Variants in MRPS28 observed in about 807,000 individuals in gnomAD.
MRPS28 encodes small ribosomal subunit protein bS1m.
In MRPS28, 7 loss-of-function variants were observed where a neutral mutation model predicts 10.8. The observed-to-expected ratio is 0.65, with a 90% CI of 0.37 to 1.22. The LOEUF is 1.22. Among genes scored for constraint, MRPS28 ranks in the 50% most tolerant of loss-of-function variants. The probability of loss-of-function intolerance (pLI) is 0.02; values close to 1 mark genes in which losing one functional copy is unlikely to be tolerated. For missense variants in MRPS28, 265 were observed against 232.9 expected (o/e 1.14, Z -0.90); for synonymous variants, 121 against 93.3 (o/e 1.30, Z -1.71).
rs141540416 is a variant in MRPS28, at chr8:79,988,365, A to G, written c.395+14634T>C. On this transcript the variant is annotated intron_variant, in intron 2 of 2. Transcript: ENST00000276585. ...TGCAGCACACCAGCATGGCACGTGTATATGTATGTAACTAACCTGCACATT... is the reference window on the plus strand; with the variant it reads ...TGCAGCACACCAGCATGGCACGTGTGTATGTATGTAACTAACCTGCACATT... 5.9e-3 allele frequency among the ~76,000 whole-genome samples: 895 copies of G among 152,026 alleles called. 7 individuals carry two copies. The highest frequency in any genetic ancestry group is 0.021 in the African/African-American group (857 of 41,472).
chr8:79,930,540 C>A (rs1806435011), intron 2 of MRPS28, among the ~76,000 whole-genome samples: 1 of 152,200 alleles, frequency 6.6e-6, no homozygotes, highest in African/African-American at 2.4e-5. Flanking sequence ...CTGCATTCCA[C>A]CACCTGCCAT....
intron 1 of MRPS28, among the ~76,000 whole-genome samples, chr8:80,023,034 C>T (rs560734555): frequency 1.3e-5 from 2 of 152,292 alleles, no homozygotes; most frequent in Admixed American, 1.3e-4. Context: ...CAAAAACCTA[C>T]TTTCCCCAGA....
At chr8:79,973,617 T>C (rs1188935038) in intron 2 of MRPS28, among the ~76,000 whole-genome samples, 15 of 152,090 alleles carry the variant, frequency 9.9e-5, no homozygotes. Flanking sequence ...CACGCCCAGC[T>C]AGGGTGTGCC....
At chr8:79,945,964 TAAAG>T (rs1806904508) in intron 2 of MRPS28, among the ~76,000 whole-genome samples, 1 of 152,102 alleles carries the variant, frequency 6.6e-6, no homozygotes, top group South Asian at 2.1e-4. Context: ...GTACATACTG[TAAAG>T]AAAGAGATTA....
intron 2 of MRPS28, among the ~76,000 whole-genome samples, chr8:79,989,966 C>T (rs575469633): frequency 5.3e-5 from 8 of 152,200 alleles, no homozygotes; most frequent in African/African-American, 1.9e-4. Context: ...CTAGCCTGGG[C>T]AACATGGTAA....
intron 2 of MRPS28, among the ~76,000 whole-genome samples, chr8:79,922,537 C>T (rs1178360304): frequency 6.6e-6 from 1 of 152,004 alleles, no homozygotes; most frequent in Non-Finnish European, 1.5e-5. Flanking sequence ...ATTTGGCTAT[C>T]CCACAATGTA....
intron 2 of MRPS28, among the ~76,000 whole-genome samples, chr8:79,983,720 G>C (rs1808053529): frequency 6.6e-6 from 1 of 152,126 alleles, no homozygotes; most frequent in Non-Finnish European, 1.5e-5. Flanking sequence ...GGGAAGTTTA[G>C]AGAAAAAAGA....
intron 2 of MRPS28, among the ~76,000 whole-genome samples, chr8:79,962,453 A>G (rs866685729): frequency 2.0e-5 from 3 of 152,180 alleles, no homozygotes; most frequent in Non-Finnish European, 4.4e-5. Context: ...CCATCCACTT[A>G]GAAAGATAAC....
At chr8:79,978,774 A>G (rs761492165) in intron 2 of MRPS28, among the ~76,000 whole-genome samples, 1 of 152,250 alleles carries the variant, frequency 6.6e-6, no homozygotes, top group African/African-American at 2.4e-5. Context: ...TATTTTCCAG[A>G]AAATGAAATC....
At chr8:80,029,873 T>C in intron 1 of MRPS28, 163 bp downstream of exon 1, 2 of 1,535,880 alleles carry the variant, frequency 1.3e-6, no homozygotes, top group Non-Finnish European at 1.7e-6. Flanking sequence ...CAAGCACAGA[T>C]TCTAGGGGCC....
At chr8:79,977,391 A>G (rs1021087321) in intron 2 of MRPS28, among the ~76,000 whole-genome samples, 2 of 152,262 alleles carry the variant, frequency 1.3e-5, no homozygotes, top group Admixed American at 6.5e-5. Flanking sequence ...TTGATCACTG[A>G]AAAATATCAA....
intron 2 of MRPS28, among the ~76,000 whole-genome samples, chr8:79,991,835 G>T (rs568190030): frequency 6.6e-6 from 1 of 151,608 alleles, no homozygotes; most frequent in South Asian, 2.1e-4. Flanking sequence ...GACTCACTTG[G>T]TTATTAACCA....
chr8:79,966,437 G>A (rs552002935), intron 2 of MRPS28, among the ~76,000 whole-genome samples: 4 of 152,124 alleles, frequency 2.6e-5, no homozygotes, highest in African/African-American at 9.6e-5. Flanking sequence ...ATTTACACAA[G>A]TTGACCAAAC....
At position 79,987,322 on chromosome 8, in the gene MRPS28, C is replaced by T. The variant is rs190918565; in HGVS notation, c.395+15677G>A. On this transcript the variant is annotated intron_variant, in intron 2 of 2. Coordinates refer to ENST00000276585, the MANE Select transcript of MRPS28 (RefSeq NM_014018.3). ...ATGTTAGACCTAAAACCATAAAAAC[C>T]CTAGAAGAAAACCTAGGCATTACCA... 4.0e-3 allele frequency among the ~76,000 whole-genome samples: 607 copies of T among 152,176 alleles called. 5 individuals are homozygous for T. The highest frequency in any genetic ancestry group is 0.014 in the African/African-American group (567 of 41,512).
rs74523080 is a variant in MRPS28, at chr8:80,020,735, A to T, written c.213+9301T>A. ...AAGAAAGCAAGCAAGAAATACTTGT[A>T]GAGAAGGTTAAAGGGGAGATTGTTC... On this transcript the variant is annotated intron_variant, in intron 1 of 2. Coordinates refer to ENST00000276585, the MANE Select transcript of MRPS28 (RefSeq NM_014018.3). 6.3e-3 allele frequency among the ~76,000 whole-genome samples: 958 copies of T among 152,294 alleles called. 14 individuals carry two copies. The highest frequency in any genetic ancestry group is 0.057 in the East Asian group (294 of 5,182).
chr8:79,966,245 A>T (rs1345648197), intron 2 of MRPS28, among the ~76,000 whole-genome samples: 2 of 152,068 alleles, frequency 1.3e-5, no homozygotes, highest in African/African-American at 4.8e-5. Context: ...AGCTTGTTTT[A>T]ACATTATAGA....
intron 2 of MRPS28, among the ~76,000 whole-genome samples, chr8:79,987,478 A>G (rs1486696817): frequency 6.6e-6 from 1 of 152,116 alleles, no homozygotes; most frequent in Non-Finnish European, 1.5e-5. Flanking sequence ...CTACCATCAG[A>G]GTGAACAGGC....
At chr8:79,919,610 A>C (rs1810017731) in intron 2 of MRPS28, among the ~76,000 whole-genome samples, 1 of 152,186 alleles carries the variant, frequency 6.6e-6, no homozygotes, top group South Asian at 2.1e-4. Context: ...TGGGGATAAC[A>C]GGTGTGAGTC....
chr8:79,952,032 C>T (rs987924962), intron 2 of MRPS28, among the ~76,000 whole-genome samples: 2 of 152,282 alleles, frequency 1.3e-5, no homozygotes, highest in South Asian at 2.1e-4. Flanking sequence ...TTACACATGA[C>T]GGCGCACTTT....
Sources: allele counts gnomAD v4.1 joint callset (sites outside exome capture counted in the v4.1 genomes callset), GRCh38; gene constraint gnomAD v4.1.1; transcripts MANE v1.5; gene names NCBI Gene and HGNC (gene_info 2026-07-23, HGNC 2026-07-21).